TRDN: variants seen among roughly 807,000 people sequenced by gnomAD.
The protein encoded by TRDN is triadin.
A neutral mutation model predicts 149.7 loss-of-function variants in TRDN; 161 were observed. The observed-to-expected ratio is 1.08, with a 90% CI of 0.95 to 1.23. The LOEUF is 1.23. Ranked by LOEUF, TRDN falls within the 50% of genes most tolerant of loss-of-function variation. The pLI is 0.00. For missense variants in TRDN, 896 were observed against 823.5 expected (o/e 1.09, Z -1.08); for synonymous variants, 294 against 250.5 (o/e 1.17, Z -1.64).
At chr6:123,535,441 G>C (rs1380095416) in intron 4 of TRDN, among the ~76,000 whole-genome samples, 1 of 152,086 alleles carries the variant, frequency 6.6e-6, no homozygotes, top group Non-Finnish European at 1.5e-5. Context: ...TATGAGTGAA[G>C]ATAAGGGAGG....
chr6:123,407,282 GT>G (rs1207206048), intron 12 of TRDN, among the ~76,000 whole-genome samples: 2 of 152,128 alleles, frequency 1.3e-5, no homozygotes, highest in Non-Finnish European at 2.9e-5. Context: ...AACGAAACAT[GT>G]TTTATTAACT....
chr6:123,493,718 A>C (rs527349352), intron 9 of TRDN, among the ~76,000 whole-genome samples: 163 of 152,302 alleles, frequency 1.1e-3, no homozygotes, highest in African/African-American at 3.7e-3. Context: ...AATGTTTTAT[A>C]AGTAGTGGAT....
intron 7 of TRDN, among the ~76,000 whole-genome samples, chr6:123,508,344 C>T (rs1218779263): frequency 6.6e-6 from 1 of 152,054 alleles, no homozygotes; most frequent in Admixed American, 6.6e-5. Context: ...TTAATATTAA[C>T]CTAAAAAGAT....
intron 9 of TRDN, among the ~76,000 whole-genome samples, chr6:123,474,000 G>A (rs879611237): frequency 3.3e-5 from 5 of 151,990 alleles, no homozygotes; most frequent in Admixed American, 2.0e-4. Flanking sequence ...ATGCCAAAAC[G>A]TAAAGACCAT....
intron 38 of TRDN, among the ~76,000 whole-genome samples, chr6:123,249,286 T>G (rs1255438013): frequency 1.3e-5 from 2 of 152,032 alleles, no homozygotes; most frequent in Middle Eastern, 6.8e-3. Flanking sequence ...AAAAAAAATA[T>G]GTTGACGAGG....
At chr6:123,532,334 C>T (rs1293594296) in intron 4 of TRDN, among the ~76,000 whole-genome samples, 2 of 152,064 alleles carry the variant, frequency 1.3e-5, no homozygotes, top group South Asian at 2.1e-4. Flanking sequence ...GTTATTTTAT[C>T]GAATACTAAC....
At chr6:123,240,437 G>A (rs1775948332) in intron 38 of TRDN, among the ~76,000 whole-genome samples, 1 of 150,934 alleles carries the variant, frequency 6.6e-6, no homozygotes, top group African/African-American at 2.4e-5. Flanking sequence ...TTTGATTTCA[G>A]TATATAATCA....
In TRDN at chr6:123,243,135, C is replaced by G. The variant is rs1030715591; in HGVS notation, c.1975+9277G>C. Among the ~76,000 whole-genome samples, 5 of 152,226 alleles carry G rather than the reference C, an allele frequency of 3.3e-5. No individual in the cohort carries two copies. In the East Asian group the frequency reaches 7.8e-4, roughly 24 times the overall value. ...ACCAAGGTGCAAGAAAACTACGTGT[C>G]CCTAGTTGCCTGCCTATGCCACTCT... is the stretch of plus-strand genomic sequence containing the variant. On this transcript the variant is annotated intron_variant, in intron 38 of 40. Coordinates refer to ENST00000334268, the MANE Select transcript of TRDN (RefSeq NM_006073.4).
intron 9 of TRDN, chr6:123,469,893 C>T (rs1777053253): frequency 6.6e-6 from 1 of 152,266 alleles, no homozygotes; most frequent in African/African-American, 2.4e-5. Context: ...CTGCCTTGTT[C>T]TGTTCCAGAA....
chr6:123,576,395 G>C (rs1158690496), intron 1 of TRDN, among the ~76,000 whole-genome samples: 1 of 152,028 alleles, frequency 6.6e-6, no homozygotes, highest in Non-Finnish European at 1.5e-5. Context: ...TTATCATAAT[G>C]CAATTTCAGA....
intron 10 of TRDN, among the ~76,000 whole-genome samples, chr6:123,451,824 T>A (rs912071437): frequency 1.3e-5 from 2 of 152,120 alleles, no homozygotes; most frequent in African/African-American, 4.8e-5. Context: ...ATATCCTTGA[T>A]GAACATAAAT....
intron 7 of TRDN, among the ~76,000 whole-genome samples, chr6:123,505,738 C>T (rs1236999931): frequency 2.7e-5 from 4 of 149,382 alleles, no homozygotes; most frequent in African/African-American, 7.4e-5. Flanking sequence ...CTTGCTTTGT[C>T]ATCCAGGCTG....
intron 14 of TRDN, among the ~76,000 whole-genome samples, chr6:123,386,213 A>G (rs1459269130): frequency 6.6e-6 from 1 of 152,222 alleles, no homozygotes; most frequent in Non-Finnish European, 1.5e-5. Context: ...CAAGAAATAA[A>G]TAATAGTAGA....
chr6:123,351,001 G>A, intron 21 of TRDN: 1 of 984,382 alleles, frequency 1.0e-6, no homozygotes, highest in Non-Finnish European at 1.2e-6. Flanking sequence ...AAGAAACAAT[G>A]TTTTCAAATC....
intron 39 of TRDN, among the ~76,000 whole-genome samples, chr6:123,222,556 T>G (rs1775187732): frequency 6.6e-6 from 1 of 151,694 alleles, no homozygotes; most frequent in Non-Finnish European, 1.5e-5. Context: ...ATCTCAACTT[T>G]TATTTGATAA....
chr6:123,293,492 G>A (rs962679741), intron 24 of TRDN, among the ~76,000 whole-genome samples: 11 of 152,090 alleles, frequency 7.2e-5, no homozygotes, highest in African/African-American at 2.4e-4. Flanking sequence ...TGTAAGTTAG[G>A]AGACCATATA....
At chr6:123,438,250 A>C in intron 11 of TRDN, 128 bp from the exon 12 acceptor site, 1 of 666,678 alleles carries the variant, frequency 1.5e-6, no homozygotes, top group East Asian at 3.1e-5. Flanking sequence ...GCCATAAGTC[A>C]TGTCAAATAT....
chr6:123,553,135 CA>C (rs1781479866), intron 2 of TRDN, among the ~76,000 whole-genome samples: 1 of 152,054 alleles, frequency 6.6e-6, no homozygotes, highest in Non-Finnish European at 1.5e-5. Flanking sequence ...GTTGAATGAC[CA>C]AAATGTTCTT....
intron 10 of TRDN, among the ~76,000 whole-genome samples, chr6:123,442,513 T>A (rs1244238411): frequency 2.5e-5 from 3 of 118,730 alleles, no homozygotes; most frequent in African/African-American, 1.0e-4. Context: ...GCCACTGCAC[T>A]CCCGCCTGGG....
Sources: gnomAD v4.1 joint callset for allele counts (sites outside exome capture counted in the v4.1 genomes callset) on GRCh38, gnomAD v4.1.1 for gene constraint, MANE v1.5 for transcripts, NCBI Gene and HGNC (gene_info 2026-07-23, HGNC 2026-07-21) for gene names.